Variants in TMEM132D observed in about 807,000 individuals in gnomAD.
TMEM132D encodes the protein transmembrane protein 132D.
A neutral mutation model predicts 62.3 loss-of-function variants in TMEM132D; 21 were observed. That is an observed-to-expected ratio of 0.34 (90% CI 0.24 to 0.49). The LOEUF (loss-of-function observed/expected upper bound fraction) is 0.49. TMEM132D is among the 20% of genes least tolerant of loss of function. The pLI, the probability that TMEM132D is intolerant of heterozygous loss-of-function variation, is 0.99. For synonymous variants in TMEM132D, 621 were observed against 575.6 expected (o/e 1.08, Z -1.13); for missense variants, 1,346 against 1,402.8 (o/e 0.96, Z 0.65).
At chr12:129,456,689 A>G (rs1873479693) in intron 3 of TMEM132D, among the ~76,000 whole-genome samples, 1 of 152,214 alleles carries the variant, frequency 6.6e-6, no homozygotes, top group Non-Finnish European at 1.5e-5. Context: ...TAAACGGCAG[A>G]TGGAACTGTT....
intron 2 of TMEM132D, among the ~76,000 whole-genome samples, chr12:129,629,758 C>T (rs981600745): frequency 1.3e-5 from 2 of 152,100 alleles, no homozygotes; most frequent in South Asian, 4.1e-4. Context: ...GTATACAAAC[C>T]TTTGTGTACA....
chr12:129,131,888 A>G (rs1024171922), intron 5 of TMEM132D, among the ~76,000 whole-genome samples: 1 of 152,168 alleles, frequency 6.6e-6, no homozygotes, highest in African/African-American at 2.4e-5. Context: ...TTAAAAGCAA[A>G]TATTTCCTTA....
intron 3 of TMEM132D, among the ~76,000 whole-genome samples, chr12:129,510,868 A>G (rs1875476800): frequency 6.6e-6 from 1 of 151,932 alleles, no homozygotes; most frequent in East Asian, 1.9e-4. Context: ...TGGTATATGG[A>G]TTTACTTTCA....
chr12:129,124,355 G>A (rs888519696), intron 5 of TMEM132D, among the ~76,000 whole-genome samples: 2 of 152,076 alleles, frequency 1.3e-5, no homozygotes, highest in Non-Finnish European at 2.9e-5. Context: ...ATACATTTAT[G>A]TGCATAAATG....
rs7298054 is a variant in TMEM132D at position 129,897,345 on chromosome 12, G to A, written c.79+5916C>T. Reference sequence around the variant, plus strand: ...CAGGAAGAGTCTGTGTCTTCATTCCGCATGCTTCTTCCTCATTCTTTATAA... The same window carrying A: ...CAGGAAGAGTCTGTGTCTTCATTCCACATGCTTCTTCCTCATTCTTTATAA... On this transcript the variant is annotated intron_variant, in intron 1 of 8. Transcript: ENST00000422113. 4.6e-3 allele frequency among the ~76,000 whole-genome samples: 694 copies of A among 152,176 alleles called. 9 individuals are homozygous for A. Among genetic ancestry groups the A allele is most frequent in the African/African-American group, 0.016 (666 of 41,512 alleles).
At chr12:129,438,062 A>T (rs879305439) in intron 3 of TMEM132D, among the ~76,000 whole-genome samples, 4 of 152,178 alleles carry the variant, frequency 2.6e-5, no homozygotes, top group Admixed American at 6.5e-5. Flanking sequence ...TGCTAAGGAC[A>T]TGAACTTATC....
intron 1 of TMEM132D, among the ~76,000 whole-genome samples, chr12:129,731,206 A>G (rs948427496): frequency 6.6e-6 from 1 of 152,084 alleles, no homozygotes; most frequent in Non-Finnish European, 1.5e-5. Context: ...CCATTCACTC[A>G]TTCATTCGTT....
intron 2 of TMEM132D, among the ~76,000 whole-genome samples, chr12:129,677,845 T>TTC (rs1491063614): frequency 2.1e-5 from 3 of 143,684 alleles, no homozygotes; most frequent in African/African-American, 7.6e-5. Flanking sequence ...TTTTTTTTTT[T>TTC]TCTATAGTTT....
chr12:129,732,640 C>T (rs1266834445), intron 1 of TMEM132D, among the ~76,000 whole-genome samples: 2 of 152,204 alleles, frequency 1.3e-5, no homozygotes. Context: ...TAAATGCTCC[C>T]TGAGGCCTCC....
At position 129,626,956 on chromosome 12, in the gene TMEM132D, A is replaced by G. The variant is rs145656520; in HGVS notation, c.968+72854T>C. 8.4e-3 allele frequency among the ~76,000 whole-genome samples: 1,272 copies of G among 152,262 alleles called. 17 individuals carry two copies. Among genetic ancestry groups the G allele is most frequent in the African/African-American group, 0.029 (1,210 of 41,544 alleles). On this transcript the variant is annotated intron_variant, in intron 2 of 8. Coordinates refer to ENST00000422113, the MANE Select transcript of TMEM132D (RefSeq NM_133448.3). Reference sequence around the variant, plus strand: ...GACTGATTTTTAATGTGGATACTCTACTTCTTGGCACTCAGAACCACCTGT... The same window carrying G: ...GACTGATTTTTAATGTGGATACTCTGCTTCTTGGCACTCAGAACCACCTGT...
chr12:129,825,679 G>A (rs1006275276), intron 1 of TMEM132D, among the ~76,000 whole-genome samples: 3 of 152,162 alleles, frequency 2.0e-5, no homozygotes, highest in Admixed American at 2.0e-4. Context: ...AGGAGGGGCT[G>A]CATGGTATGG....
intron 2 of TMEM132D, among the ~76,000 whole-genome samples, chr12:129,536,963 C>T (rs1404967164): frequency 2.0e-5 from 3 of 152,160 alleles, no homozygotes; most frequent in East Asian, 1.9e-4. Flanking sequence ...TCAAGACCAG[C>T]TTGACTAAGA....
intron 5 of TMEM132D, among the ~76,000 whole-genome samples, chr12:129,101,971 AT>A (rs1325342010): frequency 4.7e-5 from 7 of 147,570 alleles, no homozygotes; most frequent in Non-Finnish European, 1.5e-5. Context: ...CAAATTTGTG[AT>A]TCAAAGCTGC....
intron 1 of TMEM132D, among the ~76,000 whole-genome samples, chr12:129,860,341 T>C (rs1873853224): frequency 6.6e-6 from 1 of 152,198 alleles, no homozygotes; most frequent in African/African-American, 2.4e-5. Flanking sequence ...CCATTTACTA[T>C]TGATCAGGGC....
chr12:129,352,023 G>A (rs931497058), intron 3 of TMEM132D, among the ~76,000 whole-genome samples: 2 of 152,154 alleles, frequency 1.3e-5, no homozygotes, highest in Admixed American at 1.3e-4. Flanking sequence ...TGTTGTAAAG[G>A]GAAGAGGGAG....
intron 4 of TMEM132D, among the ~76,000 whole-genome samples, chr12:129,227,157 C>G (rs1249467966): frequency 3.3e-5 from 5 of 151,806 alleles, no homozygotes; most frequent in African/African-American, 1.2e-4. Flanking sequence ...AACCCATCGA[C>G]CACACGTACC....
chr12:129,562,778 C>T (rs999303476), intron 2 of TMEM132D, among the ~76,000 whole-genome samples: 2 of 152,154 alleles, frequency 1.3e-5, no homozygotes, highest in Middle Eastern at 3.2e-3. Context: ...TCATGCTATT[C>T]CTGGGTGTAG....
intron 1 of TMEM132D, among the ~76,000 whole-genome samples, chr12:129,775,486 G>C (rs1454867872): frequency 1.3e-5 from 2 of 152,194 alleles, no homozygotes; most frequent in Non-Finnish European, 2.9e-5. Context: ...TTCACTGGTT[G>C]AGTGTCGCTG....
intron 1 of TMEM132D, among the ~76,000 whole-genome samples, chr12:129,781,382 G>A (rs948390735): frequency 5.3e-5 from 8 of 152,156 alleles, no homozygotes; most frequent in African/African-American, 9.7e-5. Context: ...TTCTCAGTAC[G>A]TTAATCGGGG....
Sources: allele counts gnomAD v4.1 joint callset (sites outside exome capture counted in the v4.1 genomes callset), GRCh38; gene constraint gnomAD v4.1.1; transcripts MANE v1.5; gene names NCBI Gene and HGNC (gene_info 2026-07-23, HGNC 2026-07-21).